PSMD5: variants seen among roughly 807,000 people sequenced by gnomAD.
PSMD5 encodes the protein proteasome 26S subunit, non-ATPase 5, also known as 26S proteasome non-ATPase regulatory subunit 5.
A neutral mutation model predicts 52.1 loss-of-function variants in PSMD5; 40 were observed. That is an observed-to-expected ratio of 0.77 (90% CI 0.60 to 1.00). The LOEUF (loss-of-function observed/expected upper bound fraction) is 1.00, where lower values mean the gene tolerates loss of function less well. Ranked by LOEUF, PSMD5 falls within the 50% of genes least tolerant of loss-of-function variation. The probability of loss-of-function intolerance (pLI) is 0.00; values close to 1 mark genes in which losing one functional copy is unlikely to be tolerated. For synonymous variants in PSMD5, 211 were observed against 226.6 expected (o/e 0.93, Z 0.62); for missense variants, 575 against 605.2 (o/e 0.95, Z 0.52).
Position 120,842,806 on chromosome 9 carries a change from T to C in PSMD5, c.104A>G (p.Asn35Ser), listed in dbSNP as rs2045250614. The part of the protein sequence containing the change: ...LHSVLQAVPL[N>S]ELRQQAAELR... ...CTCCGCCGCTTGCTGGCGAAGCTCGTTGAGCGGCACTGCCTGCAGCACGGA... is the reference window on the plus strand; with the variant it reads ...CTCCGCCGCTTGCTGGCGAAGCTCGCTGAGCGGCACTGCCTGCAGCACGGA... The change falls in exon 1 of 10, where the codon AAC becomes AGC. Residue 35 changes from asparagine (N) to serine (S), a missense_variant. Physicochemically the swap from Asn to Ser is conservative, Grantham distance 46. Coordinates refer to ENST00000210313, the MANE Select transcript of PSMD5 (RefSeq NM_005047.4). 1 of 1,612,376 alleles carries C rather than the reference T, an allele frequency of 6.2e-7. No individual in the cohort carries two copies. The highest frequency in any genetic ancestry group is 1.3e-5 in the African/African-American group (1 of 74,950).
intron 9 of PSMD5, among the ~76,000 whole-genome samples, chr9:120,819,876 T>C (rs555546273): frequency 6.6e-6 from 1 of 152,134 alleles, no homozygotes; most frequent in African/African-American, 2.4e-5. Flanking sequence ...AATACCTGTA[T>C]CCTTCAAGAC....
In PSMD5 at chr9:120,817,763, C is replaced by T; in HGVS notation, c.*143G>A. 1 of 955,544 alleles carries T rather than the reference C, an allele frequency of 1.0e-6. No homozygotes were observed. The highest frequency in any genetic ancestry group is 1.7e-5 in the South Asian group (1 of 57,298). The allele number at this position is 955,544 out of a possible 1,614,324, so 59.2% of individuals were successfully genotyped here. A position where few individuals can be genotyped will look rare whatever the true frequency, so the allele number is the denominator to read the frequency against. ...TTTGCATTTCAATGTAGAAATATAA[C>T]AGTGTTGGTAACAAAGTAACATCTG... On this transcript the variant is annotated 3_prime_UTR_variant, in exon 10 of 10. Coordinates refer to ENST00000210313, the MANE Select transcript of PSMD5 (RefSeq NM_005047.4).
intron 4 of PSMD5, among the ~76,000 whole-genome samples, chr9:120,830,058 C>T (rs2045149461): frequency 6.6e-6 from 1 of 151,984 alleles, no homozygotes; most frequent in Non-Finnish European, 1.5e-5. Context: ...GTGAGTGACA[C>T]CAGTAAGTTA....
chr9:120,824,459 T>G (rs10760117), intron 7 of PSMD5, 35 bp downstream of exon 7: 924,266 of 1,601,154 alleles, frequency 0.58, 274,835 homozygotes, highest in South Asian at 0.74. Flanking sequence ...TGTCAAAGAT[T>G]AAGATATCCC....
In PSMD5 at chr9:120,821,445, C is replaced by G; in HGVS notation, c.1026G>C (p.Leu342Phe). ...TTGATTGATGTCCTATTCTCATAAG[C>G]AAGCGTTCAAAGCGAGTTCCTTTGA... The part of the protein sequence containing the change: ...LQKTGTRFER[L>F]LMRIGHQSKN... Residue 342 changes from leucine (L) to phenylalanine (F), a missense_variant, in exon 8 of 10, where the codon TTG (leucine) becomes TTC (phenylalanine). Leu to Phe is a conservative substitution (Grantham distance 22, BLOSUM62 0). Coordinates refer to ENST00000210313, the MANE Select transcript of PSMD5 (RefSeq NM_005047.4). 3.1e-6 allele frequency: 5 copies of G among 1,598,470 alleles called. No homozygotes were observed. The highest frequency in any genetic ancestry group is 1.1e-5 in the South Asian group (1 of 88,750).
intron 6 of PSMD5, 76 bp downstream of exon 6, chr9:120,826,689 C>T (rs771015942): frequency 7.9e-5 from 119 of 1,505,878 alleles, no homozygotes; most frequent in Non-Finnish European, 1.0e-4. Context: ...CACTCCCTAC[C>T]CCAACCCCCT....
rs775520172 is a variant in PSMD5 at position 120,818,077 on chromosome 9, A to G, written c.1344T>C (p.His448=). Residue 448 remains histidine (H), a synonymous_variant, in exon 10 of 10, where the codon CAT becomes CAC. Transcript: ENST00000210313. ...VEYVVDRSVE[H]DKASKDAKYE... ...ATTTGGCATCCTTTGAAGCTTTGTC[A>G]TGCTCCACAGACCGGTCCACCACAT... The G allele has an allele frequency of 6.2e-7, 1 of 1,614,104 alleles. No homozygotes were observed. Among genetic ancestry groups the G allele is most frequent in the Non-Finnish European group, 8.5e-7 (1 of 1,180,046 alleles).
chr9:120,832,393 C>CTTTTTTTTTT (rs35785525), intron 2 of PSMD5, among the ~76,000 whole-genome samples: 4 of 126,908 alleles, frequency 3.2e-5, no homozygotes, highest in Admixed American at 8.6e-5. Flanking sequence ...TTCCCCCAAC[C>CTTTTTTTTTT]TTTTTTTTTT....
chr9:120,835,946 C>T (rs570328552), intron 1 of PSMD5, among the ~76,000 whole-genome samples: 38 of 152,234 alleles, frequency 2.5e-4, no homozygotes, highest in African/African-American at 8.9e-4. Context: ...TCACCATCGT[C>T]CATCTCCAGA....
chr9:120,817,604 A>G lies in PSMD5; in HGVS notation c.*302T>C, dbSNP rs908475316. 12 of 292,136 alleles carry G rather than the reference A, an allele frequency of 4.1e-5. No homozygotes were observed. In the Admixed American group the frequency reaches 4.6e-4, roughly 11 times the overall value. 18.1% of individuals were successfully genotyped at this position (292,136 alleles called of 1,614,324 possible). A position where few individuals can be genotyped will look rare whatever the true frequency, so the allele number is the denominator to read the frequency against. On this transcript the variant is annotated 3_prime_UTR_variant, in exon 10 of 10. Coordinates refer to ENST00000210313, the MANE Select transcript of PSMD5 (RefSeq NM_005047.4). ...GGCTTTTAGATAAGATTGCATGTCC[A>G]TGAAAATTTTGAGGGAAGAAAAAAA...
At chr9:120,840,232 C>T (rs534002612) in intron 1 of PSMD5, among the ~76,000 whole-genome samples, 70 of 147,644 alleles carry the variant, frequency 4.7e-4, no homozygotes, top group Admixed American at 9.4e-4. Flanking sequence ...TCAAGGGATC[C>T]TCCCCCTCAG....
At chr9:120,828,723 G>A (rs528150143) in intron 5 of PSMD5, among the ~76,000 whole-genome samples, 5 of 152,298 alleles carry the variant, frequency 3.3e-5, no homozygotes, top group Admixed American at 2.6e-4. Context: ...ACCGCACCCG[G>A]CCTAGCCCAT....
intron 9 of PSMD5, 105 bp downstream of exon 9, chr9:120,820,734 T>C (rs1363265695): frequency 1.1e-5 from 13 of 1,146,972 alleles, no homozygotes; most frequent in African/African-American, 4.7e-5. Flanking sequence ...AACTATACTA[T>C]GCACTTGTGC....
intron 1 of PSMD5, among the ~76,000 whole-genome samples, chr9:120,838,904 T>C (rs1344376761): frequency 6.6e-6 from 1 of 152,210 alleles, no homozygotes; most frequent in Non-Finnish European, 1.5e-5. Context: ...CAAAATGCGG[T>C]CACTGCCTTC....
chr9:120,820,862 AG>A lies in PSMD5; in HGVS notation c.1233del (p.Cys412ValfsTer4), dbSNP rs2045078720. 1 of 1,595,856 alleles carries A rather than the reference AG, an allele frequency of 6.3e-7. No homozygotes were observed. Among genetic ancestry groups the A allele is most frequent in the African/African-American group, 1.4e-5 (1 of 73,840 alleles). On this transcript the variant is annotated frameshift_variant, in exon 9 of 10. Transcript: ENST00000210313. LOFTEE classifies it high-confidence loss of function. ...GISSQPFPEL[H>X]CAALKVFTAI... ...ACCGTAAACACTTTTAAGGCAGCAC[AG>A]TGTAGTTCAGGGAAGGGCTGACTAC...
At position 120,831,837 on chromosome 9, in the gene PSMD5, T is replaced by G; in HGVS notation, c.427A>C (p.Lys143Gln). The part of the protein sequence containing the change: ...CIGGENLSVA[K>Q]AAIKSLSRIS... Reference sequence around the variant, plus strand: ...AATGATTCTAGTAGACTCACCGCTTTTGCTACAGATAGATTCTCTCCACCA... The same window carrying G: ...AATGATTCTAGTAGACTCACCGCTTGTGCTACAGATAGATTCTCTCCACCA... Residue 143 changes from lysine to glutamine, a missense_variant, in exon 3 of 10, where the codon AAA becomes CAA. Coordinates refer to ENST00000210313, the MANE Select transcript of PSMD5 (RefSeq NM_005047.4). 1 of 1,612,222 alleles carries G rather than the reference T, an allele frequency of 6.2e-7. No individual in the cohort carries two copies. The highest frequency in any genetic ancestry group is 8.5e-7 in the Non-Finnish European group (1 of 1,179,480).
chr9:120,838,477 G>A (rs16910160), intron 1 of PSMD5, among the ~76,000 whole-genome samples: 20,061 of 152,190 alleles, frequency 0.13, 1,441 homozygotes, highest in Middle Eastern at 0.17. Flanking sequence ...ACTTACATCT[G>A]CAAGATCAGA....
intron 1 of PSMD5, 77 bp from the exon 2 acceptor site, chr9:120,833,533 T>C: frequency 2.1e-6 from 3 of 1,421,772 alleles, no homozygotes; most frequent in Non-Finnish European, 1.9e-6. Flanking sequence ...TAGCTGAAGC[T>C]TGCGTCAGCG....
intron 7 of PSMD5, 153 bp downstream of exon 7, chr9:120,824,341 A>G: frequency 1.4e-6 from 1 of 720,982 alleles, no homozygotes; most frequent in Non-Finnish European, 2.4e-6. Flanking sequence ...AATAATTATT[A>G]GATTTTCAGA....
Sources: gnomAD v4.1 joint callset for allele counts (sites outside exome capture counted in the v4.1 genomes callset) on GRCh38, gnomAD v4.1.1 for gene constraint, MANE v1.5 for transcripts, NCBI Gene and HGNC (gene_info 2026-07-23, HGNC 2026-07-21) for gene names.